Variants in TNIK observed in about 807,000 individuals in gnomAD.
TNIK encodes the protein TRAF2 and NCK interacting kinase.
In TNIK, 49 loss-of-function variants were observed where a neutral mutation model predicts 191.3. The ratio of observed to expected loss-of-function variants is 0.26; its 90% confidence interval spans 0.20 to 0.32. The LOEUF (loss-of-function observed/expected upper bound fraction) is 0.32, where lower values mean the gene tolerates loss of function less well. Ranked by LOEUF, TNIK falls within the 10% of genes least tolerant of loss-of-function variation. TNIK has a pLI of 1.00. For missense variants in TNIK, 1,155 were observed against 1,702.3 expected (o/e 0.68, Z 5.66); for synonymous variants, 594 against 600.9 (o/e 0.99, Z 0.17).
chr3:171,085,080 C>T lies in TNIK; in HGVS notation c.2998+38G>A, dbSNP rs140220573. On this transcript the variant is annotated intron_variant, in intron 25 of 32. Coordinates refer to ENST00000436636, the MANE Select transcript of TNIK (RefSeq NM_015028.4). ...TATCAGGTCATACCAGAAAGGAAGA[C>T]GAAGCTGTTTTTTAAACACAGGGCC... 769 of 1,529,108 alleles carry T rather than the reference C, an allele frequency of 5.0e-4. 2 individuals carry two copies. The African/African-American group carries it at 7.4e-3, about 15-fold the overall frequency. The allele number at this position is 1,529,108 out of a possible 1,614,324, so 94.7% of individuals were successfully genotyped here. A position where few individuals can be genotyped will look rare whatever the true frequency, so the allele number is the denominator to read the frequency against.
intron 12 of TNIK, among the ~76,000 whole-genome samples, chr3:171,151,509 G>A (rs1356893807): frequency 1.3e-5 from 2 of 152,132 alleles, no homozygotes; most frequent in African/African-American, 2.4e-5. Flanking sequence ...TAGTGATGTC[G>A]GCAGGCTTTG....
chr3:171,420,730 G>T (rs1723691588), intron 1 of TNIK, among the ~76,000 whole-genome samples: 1 of 151,958 alleles, frequency 6.6e-6, no homozygotes, highest in Non-Finnish European at 1.5e-5. Context: ...TTGCACTTTG[G>T]GGCCATTATT....
rs778062054 is a variant in TNIK at position 171,369,618 on chromosome 3, A to G, written c.123+2T>C. Reference sequence around the variant, plus strand: ...AGCCACTCTCAGACTCAATGTACTTACCTTATAAACTTGCCCGTATGTTCC... The same window carrying G: ...AGCCACTCTCAGACTCAATGTACTTGCCTTATAAACTTGCCCGTATGTTCC... On this transcript the variant is annotated splice_donor_variant, in intron 2 of 32. Coordinates refer to ENST00000436636, the MANE Select transcript of TNIK (RefSeq NM_015028.4). LOFTEE classifies it high-confidence loss of function. 17 of 1,572,878 alleles carry G rather than the reference A, an allele frequency of 1.1e-5. No individual in the cohort carries two copies. Among genetic ancestry groups the G allele is most frequent in the Middle Eastern group, 1.7e-4 (1 of 5,998 alleles).
chr3:171,316,157 G>T (rs1045225925), intron 2 of TNIK, among the ~76,000 whole-genome samples: 2 of 152,070 alleles, frequency 1.3e-5, no homozygotes, highest in Non-Finnish European at 2.9e-5. Context: ...AAGACTGTAA[G>T]CTCCCAGAGC....
intron 1 of TNIK, among the ~76,000 whole-genome samples, chr3:171,418,690 G>A (rs1044155005): frequency 6.6e-6 from 1 of 152,168 alleles, no homozygotes; most frequent in Non-Finnish European, 1.5e-5. Flanking sequence ...GGGAGAATGA[G>A]GGGATGGGAG....
At position 171,138,049 on chromosome 3, in the gene TNIK, G is replaced by A. The variant is rs548811264; in HGVS notation, c.1608+142C>T. On this transcript the variant is annotated intron_variant, in intron 15 of 32. Transcript: ENST00000436636. ...ATTTCTCTACAGAAATAATGTTATA[G>A]TTCTTGCAAAAGCAAAGCATGTGTC... The A allele has an allele frequency of 1.4e-4, 91 of 653,960 alleles. No homozygotes were observed. The African/African-American group carries it at 1.7e-3, about 12-fold the overall frequency. 40.5% of individuals were successfully genotyped at this position (653,960 alleles called of 1,614,324 possible). A position where few individuals can be genotyped will look rare whatever the true frequency, so the allele number is the denominator to read the frequency against.
At chr3:171,416,180 C>T (rs1723063046) in intron 1 of TNIK, among the ~76,000 whole-genome samples, 1 of 151,760 alleles carries the variant, frequency 6.6e-6, no homozygotes, top group African/African-American at 2.4e-5. Flanking sequence ...GAAGAAGGTC[C>T]AAGTTATTTC....
Position 171,224,828 on chromosome 3 carries a change from A to ATG in TNIK, c.180+3336_180+3337insCA, listed in dbSNP as rs3980376. 2.5e-3 allele frequency among the ~76,000 whole-genome samples: 380 copies of ATG among 152,300 alleles called. 1 individual carries two copies. Among genetic ancestry groups the ATG allele is most frequent in the African/African-American group, 8.4e-3 (349 of 41,566 alleles). ...ATGGGGAAATTTCCATAATGATTTC[A>ATG]AACTATAAGATCTTCAAGGCCTACT... is the stretch of plus-strand genomic sequence containing the variant. On this transcript the variant is annotated intron_variant, in intron 3 of 32. Transcript: ENST00000436636.
intron 2 of TNIK, among the ~76,000 whole-genome samples, chr3:171,246,398 G>A (rs1009298224): frequency 9.2e-5 from 14 of 152,136 alleles, no homozygotes; most frequent in Admixed American, 7.2e-4. Context: ...TTTGTAGCTG[G>A]TAAATGAAAA....
chr3:171,115,451 A>T (rs1040544393), intron 18 of TNIK, among the ~76,000 whole-genome samples: 1 of 152,216 alleles, frequency 6.6e-6, no homozygotes, highest in Admixed American at 6.5e-5. Context: ...GCATGGCAAA[A>T]CTGTATGTTG....
At chr3:171,064,865 TAAC>T (rs1415531046) in intron 32 of TNIK, among the ~76,000 whole-genome samples, 3 of 152,206 alleles carry the variant, frequency 2.0e-5, no homozygotes, top group Admixed American at 1.3e-4. Flanking sequence ...AGAAGAATGC[TAAC>T]AACAACTTCT....
At chr3:171,206,729 C>A (rs763528475) in intron 4 of TNIK, among the ~76,000 whole-genome samples, 25 of 151,968 alleles carry the variant, frequency 1.6e-4, no homozygotes, top group Non-Finnish European at 3.1e-4. Flanking sequence ...TTCACTGGAC[C>A]CAGCAAAGTT....
At chr3:171,236,712 T>C (rs1744308846) in intron 2 of TNIK, among the ~76,000 whole-genome samples, 2 of 152,324 alleles carry the variant, frequency 1.3e-5, no homozygotes, top group South Asian at 2.1e-4. Context: ...GACTACTTTA[T>C]GAGGCAACTC....
intron 1 of TNIK, among the ~76,000 whole-genome samples, chr3:171,422,436 T>C (rs543043502): frequency 6.6e-6 from 1 of 152,140 alleles, no homozygotes; most frequent in African/African-American, 2.4e-5. Flanking sequence ...ACTGTAAACA[T>C]AAAGACAATA....
intron 12 of TNIK, among the ~76,000 whole-genome samples, chr3:171,145,119 C>G (rs1470546673): frequency 1.4e-5 from 2 of 144,578 alleles, no homozygotes; most frequent in Non-Finnish European, 3.0e-5. Context: ...TGGAGTCTTG[C>G]TCTGTCGCCC....
chr3:171,248,531 A>T (rs750779393), intron 2 of TNIK, among the ~76,000 whole-genome samples: 2 of 152,224 alleles, frequency 1.3e-5, no homozygotes, highest in African/African-American at 4.8e-5. Flanking sequence ...AAGTTATTAA[A>T]GTTTCATGGG....
At chr3:171,380,914 C>T (rs1255290442) in intron 1 of TNIK, among the ~76,000 whole-genome samples, 1 of 152,236 alleles carries the variant, frequency 6.6e-6, no homozygotes, top group Non-Finnish European at 1.5e-5. Context: ...ATAATAGCTA[C>T]CTGGAGCAGG....
intron 2 of TNIK, among the ~76,000 whole-genome samples, chr3:171,248,531 A>G (rs750779393): frequency 3.3e-5 from 5 of 152,224 alleles, no homozygotes; most frequent in Non-Finnish European, 2.9e-5. Flanking sequence ...AAGTTATTAA[A>G]GTTTCATGGG....
intron 2 of TNIK, among the ~76,000 whole-genome samples, chr3:171,302,782 C>T (rs1401678379): frequency 6.6e-6 from 1 of 152,068 alleles, no homozygotes; most frequent in African/African-American, 2.4e-5. Context: ...AAGGTCTAAC[C>T]TTCTACCCTC....
Sources: gnomAD v4.1 joint callset for allele counts (sites outside exome capture counted in the v4.1 genomes callset) on GRCh38, gnomAD v4.1.1 for gene constraint, MANE v1.5 for transcripts, NCBI Gene and HGNC (gene_info 2026-07-23, HGNC 2026-07-21) for gene names.